Variants in CC2D1B observed in about 807,000 individuals in gnomAD.
CC2D1B encodes the protein coiled-coil and C2 domain containing 1B.
CC2D1B carries 92 observed loss-of-function variants against 110.8 expected under a neutral mutation model. The ratio of observed to expected loss-of-function variants is 0.83; its 90% CI spans 0.70 to 0.99. The LOEUF (loss-of-function observed/expected upper bound fraction) is 0.99, where lower values mean the gene tolerates loss of function less well. Ranked by LOEUF, CC2D1B falls within the 50% of genes least tolerant of loss-of-function variation. The pLI, the probability that CC2D1B is intolerant of heterozygous loss-of-function variation, is 0.00. For missense variants in CC2D1B, 1,136 were observed against 1,089.0 expected, an observed-to-expected ratio of 1.04 and a Z score of -0.61; for synonymous variants, 406 against 429.2, an observed-to-expected ratio of 0.95 and a Z score of 0.67.
chr1:52,362,591 T>C lies in CC2D1B; in HGVS notation c.214+11A>G, dbSNP rs369834600. 1.1e-5 allele frequency: 18 copies of C among 1,614,108 alleles called. No homozygotes were observed. In the African/African-American group the frequency reaches 2.1e-4, roughly 19 times the overall value. ...TCCCAGCACCAAGACCAGCCCTGTG[T>C]CCAAACTCACCCTGCCCCTTGGGTG... On this transcript the variant is annotated intron_variant, in intron 3 of 24. Transcript: ENST00000284376.
Position 52,362,610 on chromosome 1 carries a change from T to G in CC2D1B, c.206A>C (p.Lys69Thr). The change falls in exon 3 of 25, where the codon AAG becomes ACG. Residue 69 changes from lysine to threonine, a missense_variant. Lys to Thr is a moderately conservative substitution (Grantham distance 78). Coordinates refer to ENST00000284376, the MANE Select transcript of CC2D1B (RefSeq NM_001330585.2). ...CCTGTGTCCAAACTCACCCTGCCCC[T>G]TGGGTGCTGGCTTCTTGCCTGTGGT... ...AQTTGKKPAP[K>T]GQAPLPMAHI... 1.9e-6 allele frequency: 3 copies of G among 1,614,184 alleles called. No individual in the cohort carries two copies. The highest frequency in any genetic ancestry group is 2.5e-6 in the Non-Finnish European group (3 of 1,180,032).
intron 3 of CC2D1B, 137 bp downstream of exon 3, chr1:52,362,465 T>C: frequency 1.9e-6 from 2 of 1,044,884 alleles, no homozygotes; most frequent in Admixed American, 2.2e-5. Context: ...GGCCGCCTCT[T>C]GGTGGGAGTG....
In CC2D1B at chr1:52,354,628, C is replaced by T; in HGVS notation, c.2410G>A (p.Glu804Lys). Residue 804 changes from glutamate (E) to lysine (K), a missense_variant, in exon 23 of 25, where the codon GAG becomes AAG. Physicochemically the swap from Glu to Lys is moderately conservative, Grantham distance 56. Transcript: ENST00000284376. Reference sequence around the variant, plus strand: ...CCTACCTCCACAATTTCTCTGATCTCACACTCATTCTCCAGCCGCTCCAGT... The same window carrying T: ...CCTACCTCCACAATTTCTCTGATCTTACACTCATTCTCCAGCCGCTCCAGT... ...LKLERLENECEIREIVEVLDG... is the reference protein window; with the variant it reads ...LKLERLENECKIREIVEVLDG... 6.2e-7 allele frequency: 1 copy of T among 1,614,228 alleles called. No individual in the cohort carries two copies. Among genetic ancestry groups the T allele is most frequent in the Non-Finnish European group, 8.5e-7 (1 of 1,180,050 alleles).
chr1:52,359,409 C>T, intron 9 of CC2D1B, 50 bp downstream of exon 9: 1 of 1,613,024 alleles, frequency 6.2e-7, no homozygotes, highest in Non-Finnish European at 8.5e-7. Context: ...CAGCCCCAGG[C>T]CTGCTACTCC....
chr1:52,359,409 C>A (rs1394575469), intron 9 of CC2D1B, 50 bp downstream of exon 9: 1 of 1,613,024 alleles, frequency 6.2e-7, no homozygotes, highest in South Asian at 1.1e-5. Flanking sequence ...CAGCCCCAGG[C>A]CTGCTACTCC....
intron 15 of CC2D1B, 72 bp from the exon 16 acceptor site, chr1:52,357,198 A>G: frequency 3.9e-6 from 6 of 1,549,034 alleles, no homozygotes; most frequent in Non-Finnish European, 4.4e-6. Flanking sequence ...CAAAGGCAGG[A>G]GCCCAAACTA....
intron 5 of CC2D1B, 118 bp from the exon 6 acceptor site, chr1:52,360,667 T>C (rs1223376769): frequency 1.3e-5 from 19 of 1,428,292 alleles, no homozygotes; most frequent in Non-Finnish European, 1.7e-5. Context: ...AAGAAGAGCC[T>C]AAAAGCCTTA....
At position 52,364,592 on chromosome 1, in the gene CC2D1B, C is replaced by A; in HGVS notation, c.29G>T (p.Gly10Val). Residue 10 changes from glycine to valine, a missense_variant, in exon 2 of 25, where the codon GGC (glycine) becomes GTC (valine). Coordinates refer to ENST00000284376, the MANE Select transcript of CC2D1B (RefSeq NM_001330585.2). MMPGPRPRK[G>V]PQARGQGVAA... ...CACCCCTTGGCCTCTGGCCTGAGGG[C>A]CCTTCCGAGGTCTTGGCCCTGGCAT... 2 of 1,608,174 alleles carry A rather than the reference C, an allele frequency of 1.2e-6. No individual in the cohort carries two copies. The highest frequency in any genetic ancestry group is 1.7e-6 in the Non-Finnish European group (2 of 1,175,542).
rs777810213 is a variant in CC2D1B at position 52,358,722 on chromosome 1, G to A, written c.1294C>T (p.Arg432Trp). The A allele has an allele frequency of 4.3e-6, 7 of 1,613,220 alleles. No individual in the cohort carries two copies. The highest frequency in any genetic ancestry group is 2.2e-5 in the South Asian group (2 of 91,030). Reference protein sequence around the residue: ...QDAIRAHRAGRKVNFAELPVP... With the variant: ...QDAIRAHRAGWKVNFAELPVP... ...GGCAATTCAGCAAAGTTGACTTTCC[G>A]TCCTGCTCGGTGTGCTCGAATAGCA... is the stretch of plus-strand genomic sequence containing the variant. The change falls in exon 12 of 25, where the codon CGG becomes TGG. Residue 432 changes from arginine to tryptophan, a missense_variant. Transcript: ENST00000284376.
rs751530554 is a variant in CC2D1B, at chr1:52,359,470, G to A, written c.1007C>T (p.Pro336Leu). 1.3e-4 allele frequency: 208 copies of A among 1,613,806 alleles called. No homozygotes were observed. The highest frequency in any genetic ancestry group is 1.7e-4 in the Non-Finnish European group (196 of 1,179,904). ...GQPVDLSAMP[P>L]APEDLKPQQA... is the part of the protein sequence containing the mutation. ...AGATACATACTGACCCTCAGGTGCC[G>A]GGGGCATGGCACTCAGATCCACGGG... Residue 336 changes from proline (P) to leucine (L), a missense_variant, in exon 9 of 25, where the codon CCG (proline) becomes CTG (leucine). Physicochemically the swap from Pro to Leu is moderately conservative, Grantham distance 98. Coordinates refer to ENST00000284376, the MANE Select transcript of CC2D1B (RefSeq NM_001330585.2).
At chr1:52,364,472 A>G (rs1469826904) in intron 2 of CC2D1B, 80 bp downstream of exon 2, 1 of 862,566 alleles carries the variant, frequency 1.2e-6, no homozygotes, top group Admixed American at 2.5e-5. Flanking sequence ...GGGGAACTAC[A>G]TGTGATCCAG....
At position 52,359,755 on chromosome 1, in the gene CC2D1B, T is replaced by C. The variant is rs766426973; in HGVS notation, c.892A>G (p.Lys298Glu). 2 of 1,610,744 alleles carry C rather than the reference T, an allele frequency of 1.2e-6. No homozygotes were observed. The highest frequency in any genetic ancestry group is 2.7e-5 in the African/African-American group (2 of 74,868). Reference protein sequence around the residue: ...REYKVAALSAKRAGELDRARE... With the variant: ...REYKVAALSAERAGELDRARE... ...GCACGGTCTAGCTCTCCAGCCCGCT[T>C]GGCACTGAGGGCAGCCACTTTGTAC... Residue 298 changes from lysine to glutamate, a missense_variant, in exon 8 of 25, where the codon AAG (lysine) becomes GAG (glutamate). Lys to Glu is a moderately conservative substitution (Grantham distance 56, BLOSUM62 1). Coordinates refer to ENST00000284376, the MANE Select transcript of CC2D1B (RefSeq NM_001330585.2).
At position 52,365,068 on chromosome 1, in the gene CC2D1B, G is replaced by C. The variant is rs554261515; in HGVS notation, c.-14-434C>G. On this transcript the variant is annotated intron_variant, in intron 1 of 24. Transcript: ENST00000284376. ...GCTTAACAGCCATATGTGGTGAGGG[G>C]CTATGACCAGACAGCACACACACAG... Among the ~76,000 whole-genome samples, 31 of 152,342 alleles carry C rather than the reference G, an allele frequency of 2.0e-4. 1 individual carries two copies. The highest frequency in any genetic ancestry group is 7.2e-4 in the African/African-American group (30 of 41,578).
chr1:52,356,231 T>C lies in CC2D1B; in HGVS notation c.2009A>G (p.Asp670Gly). The C allele has an allele frequency of 6.2e-7, 1 of 1,613,940 alleles. No homozygotes were observed. Among genetic ancestry groups the C allele is most frequent in the Non-Finnish European group, 8.5e-7 (1 of 1,179,932 alleles). Residue 670 changes from aspartate (D) to glycine (G), a missense_variant, in exon 18 of 25, where the codon GAC becomes GGC. Transcript: ENST00000284376. ...CAACTCAAAGTGGTGGGTGGGAGGG[T>C]CGAGGCCCTGAGCCTGGGCCAGCTG... Reference protein sequence around the residue: ...ILQLAQAQGLDPPTHHFELKT... With the variant: ...ILQLAQAQGLGPPTHHFELKT...
rs566362978 is a variant in CC2D1B at position 52,353,249 on chromosome 1, A to G, written c.*2-26T>C. On this transcript the variant is annotated intron_variant, in intron 24 of 24. Coordinates refer to ENST00000284376, the MANE Select transcript of CC2D1B (RefSeq NM_001330585.2). ...CTACACAGGGGTGCAAAGCACAAGA[A>G]GTCAGTCTAAACTGCAGTGAAAACA... The G allele has an allele frequency of 3.7e-4, 523 of 1,404,712 alleles. 6 individuals carry two copies. In the South Asian group the frequency reaches 6.0e-3, roughly 16 times the overall value. 87.0% of individuals were successfully genotyped at this position (1,404,712 alleles called of 1,614,324 possible).
chr1:52,361,225 A>G, intron 4 of CC2D1B, 93 bp from the exon 5 acceptor site: 1 of 1,470,886 alleles, frequency 6.8e-7, no homozygotes, highest in Non-Finnish European at 9.4e-7. Context: ...TCTCAGCAAT[A>G]TTCCCTAACG....
intron 20 of CC2D1B, 51 bp downstream of exon 20, chr1:52,355,557 C>T (rs1646630680): frequency 1.2e-6 from 2 of 1,610,942 alleles, no homozygotes; most frequent in Admixed American, 1.7e-5. Flanking sequence ...AGCACAGGGT[C>T]CTGGAATGCA....
Position 52,356,228 on chromosome 1 carries a change from G to A in CC2D1B, c.2012C>T (p.Pro671Leu). The stretch of plus-strand genomic sequence containing the variant: ...CTTCAACTCAAAGTGGTGGGTGGGA[G>A]GGTCGAGGCCCTGAGCCTGGGCCAG... ...LQLAQAQGLD[P>L]PTHHFELKTF... is the part of the protein sequence containing the mutation. Residue 671 changes from proline (P) to leucine (L), a missense_variant, in exon 18 of 25, where the codon CCT (proline) becomes CTT (leucine). Coordinates refer to ENST00000284376, the MANE Select transcript of CC2D1B (RefSeq NM_001330585.2). The A allele has an allele frequency of 6.2e-7, 1 of 1,614,108 alleles. No homozygotes were observed. The highest frequency in any genetic ancestry group is 1.3e-5 in the African/African-American group (1 of 75,036).
rs746145085 is a variant in CC2D1B, at chr1:52,353,622, C to A, written c.2456G>T (p.Gly819Val). The A allele has an allele frequency of 4.4e-6, 7 of 1,608,608 alleles. No homozygotes were observed. In the African/African-American group the frequency reaches 5.4e-5, roughly 12 times the overall value. ...CCTCACCTTCACCTCCAGCTTCCCC[C>A]CGGTGGGCTTCCTTCCATCCAGGAC... is the stretch of plus-strand genomic sequence containing the variant. ...VEVLDGRKPTGGKLEVKVRLR... is the reference protein window; with the variant it reads ...VEVLDGRKPTVGKLEVKVRLR... The change falls in exon 24 of 25, where the codon GGG becomes GTG. Residue 819 changes from glycine to valine, a missense_variant. By Grantham distance (109) the Gly-to-Val change is moderately radical. Coordinates refer to ENST00000284376, the MANE Select transcript of CC2D1B (RefSeq NM_001330585.2).
Sources: allele counts gnomAD v4.1 joint callset (sites outside exome capture counted in the v4.1 genomes callset), GRCh38; gene constraint gnomAD v4.1.1; transcripts MANE v1.5; gene names NCBI Gene and HGNC (gene_info 2026-07-23, HGNC 2026-07-21).